NAV3: variants seen among roughly 807,000 people sequenced by gnomAD.
The protein encoded by NAV3 is neuron navigator 3, also known as pore membrane and/or filament interacting like protein 1.
A neutral mutation model predicts 244.7 loss-of-function variants in NAV3; 87 were observed. The ratio of observed to expected loss-of-function variants is 0.36; its 90% CI spans 0.30 to 0.42. The LOEUF is 0.42. Among genes scored for constraint, NAV3 ranks in the 20% least tolerant of loss-of-function variants. The pLI, the probability that NAV3 is intolerant of heterozygous loss-of-function variation, is 1.00. For synonymous variants in NAV3, 1,126 were observed against 1,042.2 expected, an observed-to-expected ratio of 1.08 and a Z score of -1.55; for missense variants, 2,663 against 2,893.3, an observed-to-expected ratio of 0.92 and a Z score of 1.83.
intron 34 of NAV3, among the ~76,000 whole-genome samples, chr12:78,195,857 C>G (rs1271908310): frequency 6.6e-6 from 1 of 151,966 alleles, no homozygotes; most frequent in Non-Finnish European, 1.5e-5. Context: ...ATTCCAGTCC[C>G]TAATGTGACA....
At chr12:77,880,057 A>T (rs1006199701) in intron 1 of NAV3, among the ~76,000 whole-genome samples, 1 of 152,278 alleles carries the variant, frequency 6.6e-6, no homozygotes, top group Middle Eastern at 3.4e-3. Flanking sequence ...TCAGTGTTTA[A>T]TAATTGGCAG....
In NAV3 at chr12:78,210,687, A is replaced by G. The variant is rs1227327129; in HGVS notation, c.*170A>G. 4.4e-6 allele frequency: 3 copies of G among 685,914 alleles called. No homozygotes were observed. In the African/African-American group the frequency reaches 5.5e-5, roughly 13 times the overall value. The allele number at this position is 685,914 out of a possible 1,614,324, so 42.5% of individuals were successfully genotyped here. On this transcript the variant is annotated 3_prime_UTR_variant, in exon 40 of 40. Transcript: ENST00000397909. ...TAAGTCTGAACCGCCAAGATGCTAA[A>G]TTGCAATGGAAGCTTAACTTTAGTT...
At chr12:77,887,655 T>A (rs1883446617) in intron 1 of NAV3, among the ~76,000 whole-genome samples, 1 of 152,126 alleles carries the variant, frequency 6.6e-6, no homozygotes, top group South Asian at 2.1e-4. Context: ...TCCACGTTAA[T>A]CTCCTTTTTC....
chr12:77,919,578 A>G (rs1887503742), intron 1 of NAV3, among the ~76,000 whole-genome samples: 1 of 152,104 alleles, frequency 6.6e-6, no homozygotes, highest in Admixed American at 6.6e-5. Flanking sequence ...CATAAGTAAG[A>G]AAAGTATTCC....
intron 14 of NAV3, 84 bp from the exon 15 acceptor site, chr12:78,119,153 A>G (rs1372403092): frequency 2.4e-6 from 3 of 1,239,702 alleles, no homozygotes; most frequent in Non-Finnish European, 3.4e-6. Context: ...ATAAAGAAGC[A>G]TTCACATTTT....
At chr12:77,861,104 A>G (rs917511532) in intron 1 of NAV3, among the ~76,000 whole-genome samples, 2 of 151,874 alleles carry the variant, frequency 1.3e-5, no homozygotes, top group Non-Finnish European at 2.9e-5. Context: ...AGCCATAACC[A>G]TGATTGTCTC....
At chr12:78,011,996 T>A (rs1479749296) in intron 8 of NAV3, among the ~76,000 whole-genome samples, 1 of 152,054 alleles carries the variant, frequency 6.6e-6, no homozygotes, top group Non-Finnish European at 1.5e-5. Flanking sequence ...AACTGCTCCC[T>A]TGGTCCCATC....
At chr12:77,946,019 A>G (rs1373511033) in intron 3 of NAV3, among the ~76,000 whole-genome samples, 2 of 150,552 alleles carry the variant, frequency 1.3e-5, no homozygotes, top group African/African-American at 2.4e-5. Flanking sequence ...TCGGCCTCCC[A>G]AAGTACTGGG....
At chr12:77,779,914 C>A (rs1297413714) in intron 2 of NAV3, among the ~76,000 whole-genome samples, 4 of 152,218 alleles carry the variant, frequency 2.6e-5, no homozygotes, top group African/African-American at 7.2e-5. Context: ...CTACAAGAAG[C>A]AATGCTTGTG....
chr12:78,125,455 C>A (rs572694676), intron 16 of NAV3, among the ~76,000 whole-genome samples: 9 of 152,246 alleles, frequency 5.9e-5, no homozygotes, highest in Admixed American at 2.0e-4. Context: ...TGAGCCATAA[C>A]TAGTCTATAT....
At position 77,705,959 on chromosome 12, in the gene NAV3, T is replaced by C. The variant is rs956433156; in HGVS notation, c.72+133693T>C. On this transcript the variant is annotated intron_variant, in intron 2 of 8. Coordinates refer to the NAV3 transcript ENST00000550042. Reference sequence around the variant, plus strand: ...TCTTTCTTAAATTAGAATAAACATTTGATGTGTTCATCCATTGTAGTTGTG... The same window carrying C: ...TCTTTCTTAAATTAGAATAAACATTCGATGTGTTCATCCATTGTAGTTGTG... 4.6e-5 allele frequency among the ~76,000 whole-genome samples: 7 copies of C among 151,534 alleles called. 1 individual carries two copies. The highest frequency in any genetic ancestry group is 1.7e-4 in the African/African-American group (7 of 40,882).
intron 12 of NAV3, among the ~76,000 whole-genome samples, chr12:78,068,779 T>C (rs781009606): frequency 1.5e-4 from 22 of 151,258 alleles, no homozygotes; most frequent in Non-Finnish European, 3.2e-4. Flanking sequence ...GGGAGAAATA[T>C]GTTTGGCTCA....
Position 78,043,222 on chromosome 12 carries a change from G to A in NAV3, c.2024-6771G>A, listed in dbSNP as rs146156593. ...TTCCTGTGTTAGTTTGCAGAGAATGGTTTCTAGTTTCATCCATGTCCCTGC... is the reference window on the plus strand; with the variant it reads ...TTCCTGTGTTAGTTTGCAGAGAATGATTTCTAGTTTCATCCATGTCCCTGC... On this transcript the variant is annotated intron_variant, in intron 9 of 39. Coordinates refer to ENST00000397909, the MANE Select transcript of NAV3 (RefSeq NM_001024383.2). 4.1e-3 allele frequency among the ~76,000 whole-genome samples: 620 copies of A among 151,866 alleles called. 8 individuals are homozygous for A. Among genetic ancestry groups the A allele is most frequent in the African/African-American group, 0.014 (593 of 41,424 alleles).
intron 2 of NAV3, among the ~76,000 whole-genome samples, chr12:77,673,498 A>C (rs1874078823): frequency 6.6e-6 from 1 of 152,140 alleles, no homozygotes; most frequent in Non-Finnish European, 1.5e-5. Flanking sequence ...ATTTATTTTA[A>C]AGCAACAAAT....
chr12:77,735,666 GA>G (rs1272441589), intron 2 of NAV3, among the ~76,000 whole-genome samples: 1 of 151,828 alleles, frequency 6.6e-6, no homozygotes, highest in Non-Finnish European at 1.5e-5. Context: ...AATGATTTTG[GA>G]AAGACATATT....
intron 2 of NAV3, among the ~76,000 whole-genome samples, chr12:77,706,121 A>T (rs1013006595): frequency 6.6e-6 from 1 of 150,694 alleles, no homozygotes; most frequent in Admixed American, 6.6e-5. Context: ...ACTTCAAATT[A>T]AAAAAAGATT....
chr12:77,857,865 A>G (rs993752027), intron 1 of NAV3, among the ~76,000 whole-genome samples: 1 of 152,128 alleles, frequency 6.6e-6, no homozygotes, highest in African/African-American at 2.4e-5. Flanking sequence ...GGAATTTGTT[A>G]TGTTTTTATG....
chr12:78,050,174 A>G (rs1882523612), intron 10 of NAV3, 73 bp downstream of exon 10: 3 of 1,028,786 alleles, frequency 2.9e-6, no homozygotes, highest in Admixed American at 2.4e-5. Flanking sequence ...AACTTTTCTT[A>G]TAATGACAGA....
intron 32 of NAV3, 51 bp from the exon 33 acceptor site, chr12:78,188,558 A>G: frequency 6.5e-7 from 1 of 1,542,582 alleles, no homozygotes; most frequent in Non-Finnish European, 8.9e-7. Context: ...TATTTGTTGT[A>G]GATGAGTTGA....
Sources: allele counts gnomAD v4.1 joint callset (sites outside exome capture counted in the v4.1 genomes callset), GRCh38; gene constraint gnomAD v4.1.1; transcripts MANE v1.5; gene names NCBI Gene and HGNC (gene_info 2026-07-23, HGNC 2026-07-21).